Variants in ZSCAN25 observed in about 807,000 individuals in gnomAD.
ZSCAN25 encodes zinc finger and SCAN domain-containing protein 25.
Under a neutral mutation model 38.7 loss-of-function variants are expected in ZSCAN25, and 27 were observed. The ratio of observed to expected loss-of-function variants is 0.70; its 90% CI spans 0.51 to 0.96. The LOEUF is 0.96. ZSCAN25 is among the 40% of genes least tolerant of loss of function. The pLI is 0.00. For synonymous variants in ZSCAN25, 273 were observed against 277.7 expected, an observed-to-expected ratio of 0.98 and a Z score of 0.17; for missense variants, 637 against 705.9, an observed-to-expected ratio of 0.90 and a Z score of 1.11.
chr7:99,652,795 C>T, the ZSCAN25 span: 2 of 1,598,760 alleles, frequency 1.3e-6, no homozygotes, highest in South Asian at 2.2e-5. Flanking sequence ...AGGAAAGAAA[C>T]AGAATTGGAT....
chr7:99,680,576 T>G, the ZSCAN25 span, among the ~76,000 whole-genome samples: 1 of 152,186 alleles, frequency 6.6e-6, no homozygotes. Context: ...TTTACTTTCA[T>G]GACCCTGGTT....
chr7:99,690,109 C>T, the ZSCAN25 span, among the ~76,000 whole-genome samples: 244 of 152,238 alleles, frequency 1.6e-3, 1 homozygote, highest in Middle Eastern at 6.8e-3. Context: ...GAGATATTGG[C>T]CAATGGAGCA....
At chr7:99,694,326 C>T in the ZSCAN25 span, among the ~76,000 whole-genome samples, 1 of 152,128 alleles carries the variant, frequency 6.6e-6, no homozygotes, top group African/African-American at 2.4e-5. Context: ...CTCTTTTAGT[C>T]TAGCAGATTT....
At chr7:99,705,252 T>C in the ZSCAN25 span, 41 of 425,000 alleles carry the variant, frequency 9.6e-5, no homozygotes, top group Non-Finnish European at 1.6e-4. Context: ...GAGATAGTCC[T>C]ATGAGAAGCA....
At chr7:99,669,272 A>G in the ZSCAN25 span, among the ~76,000 whole-genome samples, 3 of 152,216 alleles carry the variant, frequency 2.0e-5, no homozygotes, top group Admixed American at 1.3e-4. Context: ...TTGAAGAGGC[A>G]TTATATGCAA....
chr7:99,666,739 C>T, the ZSCAN25 span: 1 of 1,613,380 alleles, frequency 6.2e-7, no homozygotes, highest in Non-Finnish European at 8.5e-7. Context: ...AGACTCAAGT[C>T]CCAGAAGGAT....
At chr7:99,720,721 C>T in the ZSCAN25 span, 2 of 304,574 alleles carry the variant, frequency 6.6e-6, no homozygotes, top group Non-Finnish European at 6.3e-6. Context: ...GTGGTGCATA[C>T]ATGGGTATTT....
chr7:99,674,936 C>T, the ZSCAN25 span, among the ~76,000 whole-genome samples: 4 of 152,212 alleles, frequency 2.6e-5, no homozygotes, highest in African/African-American at 9.6e-5. Context: ...AGGGGTGAAA[C>T]TGAGGTGAGG....
At chr7:99,734,264 A>G in the ZSCAN25 span, among the ~76,000 whole-genome samples, 1 of 152,258 alleles carries the variant, frequency 6.6e-6, no homozygotes, top group Non-Finnish European at 1.5e-5. Context: ...AAATTGAGTT[A>G]GAAGTAAAAT....
intron 6 of ZSCAN25, among the ~76,000 whole-genome samples, 194 bp from the exon 7 acceptor site, chr7:99,623,863 G>A (rs991418488): frequency 1.3e-5 from 2 of 152,234 alleles, no homozygotes; most frequent in African/African-American, 4.8e-5. Context: ...GAGTGGAAAT[G>A]AGGTGACTTA....
the ZSCAN25 span, chr7:99,672,846 G>T: frequency 1.4e-6 from 2 of 1,433,480 alleles, no homozygotes; most frequent in African/African-American, 2.9e-5. Context: ...CACACAGCAA[G>T]AGTCTCACAC....
At chr7:99,650,047 A>G in the ZSCAN25 span, 31 of 1,612,694 alleles carry the variant, frequency 1.9e-5, no homozygotes, top group Non-Finnish European at 2.4e-5. Context: ...AAAATTCTTA[A>G]TAAAACATAC....
At chr7:99,643,119 A>C in the ZSCAN25 span, among the ~76,000 whole-genome samples, 1 of 152,160 alleles carries the variant, frequency 6.6e-6, no homozygotes, top group Non-Finnish European at 1.5e-5. Context: ...AGTAGAAATA[A>C]AAATTCTGGT....
the ZSCAN25 span, chr7:99,663,279 A>G: frequency 5.0e-6 from 5 of 1,002,598 alleles, no homozygotes; most frequent in African/African-American, 8.7e-5. Flanking sequence ...TAATCTCCTG[A>G]CATTTCCAGA....
Position 99,621,434 on chromosome 7 carries a change from C to T in ZSCAN25, c.449C>T (p.Pro150Leu). Residue 150 changes from proline (P) to leucine (L), a missense_variant, in exon 5 of 8, where the codon CCA becomes CTA. By Grantham distance (98) the Pro-to-Leu change is moderately conservative. Transcript: ENST00000394152. ...GCACTTTGCAGAGGCGCTTGGGAGC[C>T]AGGCATCCAGCTGGGGCCAGTGGAG... ...ETALCRGAWE[P>L]GIQLGPVEVK... is the part of the protein sequence containing the mutation. 1 of 1,535,618 alleles carries T rather than the reference C, an allele frequency of 6.5e-7. No homozygotes were observed. Among genetic ancestry groups the T allele is most frequent in the Non-Finnish European group, 8.8e-7 (1 of 1,135,114 alleles).
At chr7:99,702,600 G>T in the ZSCAN25 span, among the ~76,000 whole-genome samples, 1 of 152,096 alleles carries the variant, frequency 6.6e-6, no homozygotes, top group African/African-American at 2.4e-5. Flanking sequence ...TATTTCATTG[G>T]TCAATGTGTC....
Position 99,621,486 on chromosome 7 carries a change from TG to T in ZSCAN25, c.505del (p.Glu169LysfsTer42). ...EVKPEWGMPP[G>X]EGVQGPDPGT... ...TCAAGCCTGAATGGGGGATGCCCCC[TG>T]GGGAAGGAGTTCAAGGTCCAGACCC... On this transcript the variant is annotated frameshift_variant, in exon 5 of 8. Transcript: ENST00000394152. LOFTEE classifies it high-confidence loss of function. 6.3e-7 allele frequency: 1 copy of T among 1,581,162 alleles called. No individual in the cohort carries two copies. Among genetic ancestry groups the T allele is most frequent in the Non-Finnish European group, 8.6e-7 (1 of 1,159,402 alleles).
the ZSCAN25 span, among the ~76,000 whole-genome samples, chr7:99,728,935 A>G: frequency 2.0e-5 from 3 of 152,196 alleles, no homozygotes; most frequent in Non-Finnish European, 1.5e-5. Flanking sequence ...TCGTCCTCCA[A>G]CATCGCTGAG....
intron 3 of ZSCAN25, 23 bp downstream of exon 3, chr7:99,619,155 T>C (rs1180831150): frequency 6.5e-6 from 1 of 154,564 alleles, no homozygotes; most frequent in African/African-American, 2.4e-5. Context: ...TGTGTCTTGT[T>C]TTCTATTTTA....
Sources: gnomAD v4.1 joint callset for allele counts (sites outside exome capture counted in the v4.1 genomes callset) on GRCh38, gnomAD v4.1.1 for gene constraint, MANE v1.5 for transcripts, NCBI Gene and HGNC (gene_info 2026-07-23, HGNC 2026-07-21) for gene names.